The following YLPM1 variants were observed in gnomAD, a reference collection of about 807,000 sequenced individuals.
The protein encoded by YLPM1 is YLP motif containing 1.
A neutral mutation model predicts 230.0 loss-of-function variants in YLPM1; 99 were observed. That is an observed-to-expected ratio of 0.43 (90% CI 0.37 to 0.51). The LOEUF is 0.51. YLPM1 is among the 20% of genes least tolerant of loss of function. YLPM1 has a pLI of 0.00. For missense variants in YLPM1, 2,592 were observed against 2,707.7 expected (o/e 0.96, Z 0.95); for synonymous variants, 984 against 942.5 (o/e 1.04, Z -0.81).
At chr14:74,829,566 G>A (rs928735146) in intron 19 of YLPM1, among the ~76,000 whole-genome samples, 3 of 152,168 alleles carry the variant, frequency 2.0e-5, no homozygotes, top group African/African-American at 7.2e-5. Context: ...CTAGCACGTT[G>A]TCAACCTTAA....
chr14:74,811,648 C>T lies in YLPM1; in HGVS notation c.5257C>T (p.His1753Tyr). The change falls in exon 10 of 21, where the codon CAT becomes TAT. Residue 1753 changes from histidine to tyrosine, a missense_variant. Around this residue, in one of 4 missense-constraint regions of YLPM1, gnomAD observed 403 missense variants for 426.7 expected, o/e 0.94. Coordinates refer to ENST00000325680, the MANE Select transcript of YLPM1 (RefSeq NM_019589.3). ...TCAGTCATATCGAGACAAAAAAGAC[C>T]ATTCCTCATCCAGAAGAGGGGGTTT... is the stretch of plus-strand genomic sequence containing the variant. Reference protein sequence around the residue: ...RAQSYRDKKDHSSSRRGGFDR... With the variant: ...RAQSYRDKKDYSSSRRGGFDR... 5 of 1,612,476 alleles carry T rather than the reference C, an allele frequency of 3.1e-6. No homozygotes were observed. The highest frequency in any genetic ancestry group is 4.2e-6 in the Non-Finnish European group (5 of 1,179,444).
At chr14:74,808,583 G>A (rs779273781) in intron 6 of YLPM1, among the ~76,000 whole-genome samples, 7 of 151,860 alleles carry the variant, frequency 4.6e-5, no homozygotes, top group Non-Finnish European at 1.0e-4. Context: ...TGGGTGGATC[G>A]CCTGAGGTCA....
At chr14:74,817,407 T>C (rs2091487927) in intron 15 of YLPM1, 130 bp downstream of exon 15, 3 of 873,684 alleles carry the variant, frequency 3.4e-6, no homozygotes, top group African/African-American at 1.7e-5. Context: ...TTTTCTGTGT[T>C]TAGATATGTT....
At chr14:74,807,294 C>T (rs1300364920) in intron 6 of YLPM1, among the ~76,000 whole-genome samples, 1 of 151,806 alleles carries the variant, frequency 6.6e-6, no homozygotes, top group African/African-American at 2.4e-5. Flanking sequence ...AAGTAAAAAA[C>T]CAAAACAAAA....
intron 1 of YLPM1, among the ~76,000 whole-genome samples, chr14:74,768,272 G>C (rs1024706130): frequency 2.6e-5 from 4 of 152,104 alleles, no homozygotes; most frequent in Non-Finnish European, 5.9e-5. Flanking sequence ...GTTTCTGAGA[G>C]AGAGTCTCAC....
chr14:74,810,864 C>T (rs2091427584), intron 9 of YLPM1, among the ~76,000 whole-genome samples: 1 of 152,130 alleles, frequency 6.6e-6, no homozygotes, highest in Non-Finnish European at 1.5e-5. Context: ...CAGTCTGTCA[C>T]CCAGGCTGGA....
chr14:74,769,717 C>T (rs67898541), intron 1 of YLPM1, among the ~76,000 whole-genome samples: 22,189 of 151,394 alleles, frequency 0.15, 1,777 homozygotes, highest in South Asian at 0.3. Flanking sequence ...GCTGCCACGC[C>T]GGGCCTGTAA....
At chr14:74,766,650 T>TC (rs2090914553) in intron 1 of YLPM1, among the ~76,000 whole-genome samples, 1 of 150,192 alleles carries the variant, frequency 6.7e-6, no homozygotes, top group Admixed American at 6.7e-5. Flanking sequence ...TTTTTTTTTT[T>TC]TTTTTTTGGT....
chr14:74,819,408 G>A (rs2091503718), intron 16 of YLPM1, among the ~76,000 whole-genome samples: 1 of 151,352 alleles, frequency 6.6e-6, no homozygotes, highest in African/African-American at 2.4e-5. Flanking sequence ...CTTATTAGCT[G>A]GAACTACAGG....
intron 4 of YLPM1, among the ~76,000 whole-genome samples, chr14:74,793,053 G>A (rs180856933): frequency 6.6e-6 from 1 of 152,272 alleles, no homozygotes; most frequent in African/African-American, 2.4e-5. Flanking sequence ...TTGTGTAGGT[G>A]TTATACTGTT....
intron 1 of YLPM1, among the ~76,000 whole-genome samples, chr14:74,776,279 A>G (rs145155181): frequency 6.6e-6 from 1 of 152,364 alleles, no homozygotes; most frequent in East Asian, 1.9e-4. Flanking sequence ...GGGGAAATAC[A>G]GGGTTAGGTT....
At chr14:74,778,354 T>A (rs1484459312) in intron 1 of YLPM1, 93 bp from the exon 2 acceptor site, 1 of 1,108,986 alleles carries the variant, frequency 9.0e-7, no homozygotes, top group Non-Finnish European at 1.3e-6. Flanking sequence ...TATAGACACA[T>A]GAACACAGAC....
chr14:74,767,259 C>T (rs1045358528), intron 1 of YLPM1, among the ~76,000 whole-genome samples: 1 of 152,144 alleles, frequency 6.6e-6, no homozygotes, highest in East Asian at 1.9e-4. Flanking sequence ...ATACCTGATC[C>T]GTTCAGATTT....
chr14:74,817,308 A>ACTAT, intron 15 of YLPM1, 31 bp downstream of exon 15: 1 of 1,541,296 alleles, frequency 6.5e-7, no homozygotes, highest in Non-Finnish European at 8.8e-7. Flanking sequence ...ATAATAGAGT[A>ACTAT]CTATCATGCG....
At position 74,809,472 on chromosome 14, in the gene YLPM1, T is replaced by C. The variant is rs756365224; in HGVS notation, c.4614T>C (p.Pro1538=). The C allele has an allele frequency of 6.3e-7, 1 of 1,591,326 alleles. No individual in the cohort carries two copies. The highest frequency in any genetic ancestry group is 1.1e-5 in the South Asian group (1 of 88,042). Residue 1538 remains proline (P), a synonymous_variant, in exon 7 of 21, where the codon CCT becomes CCC. Transcript: ENST00000325680. ...PSAPPARSSV[P]VTRPPVPIPP... Reference sequence around the variant, plus strand: ...CTCCACCAGCAAGATCATCTGTTCCTGTGACCAGGCCACCTGTCCCAATAC... The same window carrying C: ...CTCCACCAGCAAGATCATCTGTTCCCGTGACCAGGCCACCTGTCCCAATAC...
At position 74,782,193 on chromosome 14, in the gene YLPM1, A is replaced by T; in HGVS notation, c.2150A>T (p.Asp717Val). The change falls in exon 4 of 21, where the codon GAT becomes GTT. Residue 717 changes from aspartate to valine, a missense_variant. Asp to Val is a radical substitution (Grantham distance 152, BLOSUM62 -3). Coordinates refer to ENST00000325680, the MANE Select transcript of YLPM1 (RefSeq NM_019589.3). ...SALPYSSFSSDQGLGESSAAP... is the reference protein window; with the variant it reads ...SALPYSSFSSVQGLGESSAAP... ...CTGCCATACAGTTCATTCTCATCTG[A>T]TCAAGGACTTGGGGAGTCTTCAGCT... The T allele has an allele frequency of 6.2e-7, 1 of 1,608,496 alleles. No homozygotes were observed. Among genetic ancestry groups the T allele is most frequent in the Non-Finnish European group, 8.5e-7 (1 of 1,179,714 alleles).
intron 18 of YLPM1, among the ~76,000 whole-genome samples, chr14:74,826,326 A>G (rs1419723358): frequency 6.6e-6 from 1 of 152,172 alleles, no homozygotes. Context: ...CTTGTGTCGG[A>G]TCTTGTAGCC....
chr14:74,774,490 C>A (rs1234723692), intron 1 of YLPM1, among the ~76,000 whole-genome samples: 1 of 151,686 alleles, frequency 6.6e-6, no homozygotes, highest in East Asian at 2.0e-4. Flanking sequence ...ACTGCAACCT[C>A]CGCCTCCTGG....
At chr14:74,814,715 A>G (rs1017275768) in intron 11 of YLPM1, among the ~76,000 whole-genome samples, 18 of 152,108 alleles carry the variant, frequency 1.2e-4, no homozygotes, top group African/African-American at 4.3e-4. Context: ...TCTTGTCTGT[A>G]TGTGGTTTGG....
Sources: allele counts gnomAD v4.1 joint callset (sites outside exome capture counted in the v4.1 genomes callset), GRCh38; gene constraint gnomAD v4.1.1; regional missense constraint gnomAD v4.1.1; transcripts MANE v1.5; gene names NCBI Gene and HGNC (gene_info 2026-07-23, HGNC 2026-07-21).